KLC3: variants seen among roughly 807,000 people sequenced by gnomAD.
KLC3 encodes kinesin light chain 2.
KLC3 carries 72 observed loss-of-function variants against 62.9 expected under a neutral mutation model. The ratio of observed to expected loss-of-function variants is 1.15; its 90% CI spans 0.95 to 1.39. The LOEUF (loss-of-function observed/expected upper bound fraction) is 1.39, where lower values mean the gene tolerates loss of function less well. Among genes scored for constraint, KLC3 ranks in the 40% most tolerant of loss-of-function variants. The pLI, the probability that KLC3 is intolerant of heterozygous loss-of-function variation, is 0.00. For missense variants in KLC3, 848 were observed against 691.6 expected, an observed-to-expected ratio of 1.23 and a Z score of -2.54; for synonymous variants, 377 against 300.5, an observed-to-expected ratio of 1.25 and a Z score of -2.63.
rs773883702 is a variant in KLC3, at chr19:45,350,682, T to TATC, written c.1316_1318dup (p.Ile439dup). The TATC allele has an allele frequency of 1.9e-6, 3 of 1,613,656 alleles. No individual in the cohort carries two copies. The highest frequency in any genetic ancestry group is 2.5e-6 in the Non-Finnish European group (3 of 1,179,922). ...GCTCACTCTCCAAGATCCGTGAGTC[T>TATC]ATCAGGCGAGGAAGTGAGAAGCTGG... is the stretch of plus-strand genomic sequence containing the variant. On this transcript the variant is annotated inframe_insertion, in exon 11 of 13. Transcript: ENST00000391946.
intron 1 of KLC3, among the ~76,000 whole-genome samples, chr19:45,341,593 G>C (rs1971397780): frequency 6.6e-6 from 1 of 151,038 alleles, no homozygotes; most frequent in South Asian, 2.1e-4. Context: ...GCGCGCGTGT[G>C]GTGGACAGTG....
rs1019204101 is a variant in KLC3, at chr19:45,350,343, C to T, written c.1146C>T (p.Ala382=). The change falls in exon 9 of 13, where the codon GCC becomes GCT. Residue 382 remains alanine, a splice_region_variant and synonymous_variant. Transcript: ENST00000391946. ...CCCAGACACTCCCTTCTCCGCAGGC[C>T]TCAGCCTACCTGAAACAGAACAAGT... ...PNVAKTKNNL[A]SAYLKQNKYQ... The T allele has an allele frequency of 1.2e-6, 2 of 1,613,230 alleles. No homozygotes were observed. Among genetic ancestry groups the T allele is most frequent in the African/African-American group, 2.7e-5 (2 of 74,792 alleles).
chr19:45,350,078 T>G (rs1252965074), intron 8 of KLC3: 1 of 501,038 alleles, frequency 2.0e-6, no homozygotes, highest in Non-Finnish European at 3.6e-6. Flanking sequence ...AAACCCACTC[T>G]GCCCCAGGGC....
At chr19:45,349,375 A>T (rs994993161) in intron 7 of KLC3, 54 bp from the exon 8 acceptor site, 2 of 1,530,432 alleles carry the variant, frequency 1.3e-6, no homozygotes, top group African/African-American at 2.7e-5. Context: ...CAGTGATGTC[A>T]CGTGTCCCAC....
rs1297624582 is a variant in KLC3 at position 45,346,554 on chromosome 19, C to G, written c.269C>G (p.Ala90Gly). 1 of 1,535,018 alleles carries G rather than the reference C, an allele frequency of 6.5e-7. No homozygotes were observed. Among genetic ancestry groups the G allele is most frequent in the Admixed American group, 2.0e-5 (1 of 50,460 alleles). The change falls in exon 3 of 13, where the codon GCC becomes GGC. Residue 90 changes from alanine (A) to glycine (G), a missense_variant. Coordinates refer to ENST00000391946, the MANE Select transcript of KLC3 (RefSeq NM_177417.3). ...CCCCACCCCGGGCAGGTGCTGCTGGCCCTGTCGGCACATGTGGGTGCACTG... is the reference window on the plus strand; with the variant it reads ...CCCCACCCCGGGCAGGTGCTGCTGGGCCTGTCGGCACATGTGGGTGCACTG... ...LGLGEAQVLL[A>G]LSAHVGALEA...
In KLC3 at chr19:45,348,740, G is replaced by A; in HGVS notation, c.867+7G>A. The stretch of plus-strand genomic sequence containing the variant: ...GGGCCCTGAGCACCCCGCGGTGAGT[G>A]GGGCCCCAGGGAGACGAAGTGGGGT... On this transcript the variant is annotated splice_region_variant and intron_variant, in intron 6 of 12. Coordinates refer to ENST00000391946, the MANE Select transcript of KLC3 (RefSeq NM_177417.3). 6.3e-7 allele frequency: 1 copy of A among 1,578,240 alleles called. No individual in the cohort carries two copies. Among genetic ancestry groups the A allele is most frequent in the Non-Finnish European group, 8.6e-7 (1 of 1,162,066 alleles).
In KLC3 at chr19:45,348,009, C is replaced by A. The variant is rs200932746; in HGVS notation, c.628C>A (p.Leu210Met). Reference sequence around the variant, plus strand: ...TGAGATCCCTGCCCGCCTTCGGACCCTGCATAACCTCGTGATCCAGTACGC... The same window carrying A: ...TGAGATCCCTGCCCGCCTTCGGACCATGCATAACCTCGTGATCCAGTACGC... ...GYEIPARLRT[L>M]HNLVIQYAGQ... is the part of the protein sequence containing the mutation. The change falls in exon 5 of 13, where the codon CTG becomes ATG. Residue 210 changes from leucine (L) to methionine (M), a missense_variant. Leu to Met is a conservative substitution (Grantham distance 15). Coordinates refer to ENST00000391946, the MANE Select transcript of KLC3 (RefSeq NM_177417.3). The A allele has an allele frequency of 7.3e-5, 118 of 1,609,080 alleles. 1 individual carries two copies. The highest frequency in any genetic ancestry group is 5.9e-6 in the Non-Finnish European group (7 of 1,178,034).
intron 1 of KLC3, among the ~76,000 whole-genome samples, chr19:45,341,593 G>GCGCGCGC (rs1555772528): frequency 2.0e-5 from 3 of 151,012 alleles, no homozygotes; most frequent in Non-Finnish European, 4.4e-5. Context: ...GCGCGCGTGT[G>GCGCGCGC]GTGGACAGTG....
chr19:45,348,573 T>C lies in KLC3; in HGVS notation c.780-73T>C, dbSNP rs1971568520. On this transcript the variant is annotated intron_variant, in intron 5 of 12. Transcript: ENST00000391946. ...CCAGGTTCCCTGGGCCTGTCAGGAT[T>C]GGCCCAGCCCCTGTGGCTGCAGCTG... 8 of 1,428,304 alleles carry C rather than the reference T, an allele frequency of 5.6e-6. No individual in the cohort carries two copies. The Admixed American group carries it at 1.6e-4, about 28-fold the overall frequency. The allele number at this position is 1,428,304 out of a possible 1,614,324, so 88.5% of individuals were successfully genotyped here.
In KLC3 at chr19:45,349,598, A is replaced by C; in HGVS notation, c.1139A>C (p.Asn380Thr). The C allele has an allele frequency of 6.2e-7, 1 of 1,600,584 alleles. No homozygotes were observed. Among genetic ancestry groups the C allele is most frequent in the Admixed American group, 1.7e-5 (1 of 59,274 alleles). ...HDPNVAKTKN[N>T]LASAYLKQNK... ...CCCAACGTGGCCAAGACCAAGAACA[A>C]CCTGGTGAGGCCCCTGGGGCTCAGA... Residue 380 changes from asparagine (N) to threonine (T), a missense_variant, in exon 8 of 13, where the codon AAC (asparagine) becomes ACC (threonine). Transcript: ENST00000391946.
intron 8 of KLC3, 55 bp from the exon 9 acceptor site, chr19:45,350,286 A>T (rs1396269390): frequency 1.5e-6 from 2 of 1,320,792 alleles, no homozygotes; most frequent in Middle Eastern, 1.9e-4. Flanking sequence ...GCGGGACTGG[A>T]TGCAGTGTTG....
chr19:45,350,142 C>T (rs184626727), intron 8 of KLC3, 199 bp from the exon 9 acceptor site: 176 of 587,006 alleles, frequency 3.0e-4, no homozygotes, highest in African/African-American at 1.8e-3. Context: ...GAAAGTGGGG[C>T]CAGACGTGGT....
Position 45,349,526 on chromosome 19 carries a change from A to C in KLC3, c.1067A>C (p.Tyr356Ser). Residue 356 changes from tyrosine (Y) to serine (S), a missense_variant, in exon 8 of 13, where the codon TAT becomes TCT. Tyr to Ser is a moderately radical substitution (Grantham distance 144). Coordinates refer to ENST00000391946, the MANE Select transcript of KLC3 (RefSeq NM_177417.3). The stretch of plus-strand genomic sequence containing the variant: ...AAGTTTGAGGACGTGGAGCGGCACT[A>C]TGCCCGGGCCCTGAGCATCTATGAG... Reference protein sequence around the residue: ...QGKFEDVERHYARALSIYEAL... With the variant: ...QGKFEDVERHSARALSIYEAL... The C allele has an allele frequency of 6.2e-7, 1 of 1,613,378 alleles. No individual in the cohort carries two copies.
intron 8 of KLC3, chr19:45,349,890 G>A (rs539991677): frequency 2.0e-4 from 92 of 468,424 alleles, no homozygotes; most frequent in Middle Eastern, 5.6e-4. Context: ...CTCTTAGCCC[G>A]GTCCCCACAT....
chr19:45,351,209 C>CTG, intron 12 of KLC3, 77 bp from the exon 13 acceptor site: 2 of 1,587,996 alleles, frequency 1.3e-6, no homozygotes, highest in East Asian at 4.5e-5. Flanking sequence ...GGCTGCCAGG[C>CTG]TGGACCTGGA....
chr19:45,347,687 G>A (rs543018258), intron 4 of KLC3, among the ~76,000 whole-genome samples, 171 bp downstream of exon 4: 180 of 152,304 alleles, frequency 1.2e-3, no homozygotes, highest in African/African-American at 4.3e-3. Context: ...AGACAGGGTA[G>A]CCGCTATGAG....
intron 8 of KLC3, chr19:45,350,047 C>T (rs924832960): frequency 6.4e-6 from 3 of 467,688 alleles, no homozygotes; most frequent in Non-Finnish European, 3.8e-6. Flanking sequence ...ATCCCCAGGG[C>T]AGGAAGTAAG....
At chr19:45,346,504 G>T in intron 2 of KLC3, 40 bp from the exon 3 acceptor site, 1 of 1,486,052 alleles carries the variant, frequency 6.7e-7, no homozygotes, top group Non-Finnish European at 9.0e-7. Context: ...GTCTGGCAGG[G>T]CAGGAACCAA....
chr19:45,351,048 G>A (rs755324188), intron 12 of KLC3, 31 bp downstream of exon 12: 22 of 1,613,900 alleles, frequency 1.4e-5, no homozygotes, highest in Non-Finnish European at 1.7e-5. Context: ...AAAAATAGAG[G>A]AGGCCATGTG....
Sources: allele counts gnomAD v4.1 joint callset (sites outside exome capture counted in the v4.1 genomes callset), GRCh38; gene constraint gnomAD v4.1.1; transcripts MANE v1.5; gene names NCBI Gene and HGNC (gene_info 2026-07-23, HGNC 2026-07-21).